Variants in CCDC102B observed in about 807,000 individuals in gnomAD.
The protein encoded by CCDC102B is coiled-coil domain containing 102B, also known as coiled-coil domain-containing protein 102B.
Under a neutral mutation model 57.4 loss-of-function variants are expected in CCDC102B, and 75 were observed. The ratio of observed to expected loss-of-function variants is 1.31; its 90% confidence interval spans 1.08 to 1.58. The LOEUF (loss-of-function observed/expected upper bound fraction) is 1.58, where lower values mean the gene tolerates loss of function less well. Ranked by LOEUF, CCDC102B falls within the 40% of genes most tolerant of loss-of-function variation. CCDC102B has a pLI of 0.00. For synonymous variants in CCDC102B, 206 were observed against 201.9 expected (o/e 1.02, Z -0.17); for missense variants, 636 against 582.6 (o/e 1.09, Z -0.94).
At chr18:68,999,769 C>T (rs896724707) in intron 6 of CCDC102B, among the ~76,000 whole-genome samples, 1 of 152,160 alleles carries the variant, frequency 6.6e-6, no homozygotes, top group Non-Finnish European at 1.5e-5. Context: ...TCTCCTAACT[C>T]TGTTTCTCTT....
intron 2 of CCDC102B, among the ~76,000 whole-genome samples, chr18:68,780,828 A>G (rs1043124489): frequency 1.3e-5 from 2 of 152,086 alleles, no homozygotes; most frequent in Non-Finnish European, 2.9e-5. Context: ...CAACTTTCCT[A>G]TCCTTCTGTC....
rs116874913 is a variant in CCDC102B, at chr18:68,958,389, T to C, written c.1264-52545T>C. 1.5e-3 allele frequency among the ~76,000 whole-genome samples: 227 copies of C among 152,334 alleles called. No individual in the cohort carries two copies. The Middle Eastern group carries it at 0.017, about 11-fold the overall frequency. The stretch of plus-strand genomic sequence containing the variant: ...CATAGCACCTTGATTTATTTGCATA[T>C]GTTGCACCTTGATTGATTTGCATAT... On this transcript the variant is annotated intron_variant, in intron 6 of 7. Transcript: ENST00000360242.
intron 6 of CCDC102B, among the ~76,000 whole-genome samples, chr18:68,975,923 T>C (rs1299836916): frequency 6.6e-6 from 1 of 151,724 alleles, no homozygotes; most frequent in Non-Finnish European, 1.5e-5. Context: ...TTTTTCTTAC[T>C]CCTGGGGATA....
intron 4 of CCDC102B, among the ~76,000 whole-genome samples, chr18:68,854,918 G>T (rs1280286498): frequency 2.6e-5 from 4 of 151,974 alleles, no homozygotes; most frequent in Admixed American, 2.0e-4. Context: ...TGTTTGCATT[G>T]TTCACACGAA....
At chr18:69,043,373 T>C (rs528328565) in intron 7 of CCDC102B, among the ~76,000 whole-genome samples, 6 of 152,082 alleles carry the variant, frequency 3.9e-5, no homozygotes, top group Non-Finnish European at 5.9e-5. Flanking sequence ...CTTCCTCTTA[T>C]ACTAATCCTC....
intron 2 of CCDC102B, among the ~76,000 whole-genome samples, chr18:68,746,056 CACAG>C (rs964789207): frequency 1.3e-5 from 2 of 152,138 alleles, no homozygotes; most frequent in African/African-American, 4.8e-5. Flanking sequence ...TTCATCCAAC[CACAG>C]ACAGAGTAGA....
chr18:68,917,761 A>G (rs2041127180), intron 6 of CCDC102B, among the ~76,000 whole-genome samples: 1 of 152,148 alleles, frequency 6.6e-6, no homozygotes, highest in Non-Finnish European at 1.5e-5. Context: ...CTTGTTTATT[A>G]TTTATTTACC....
chr18:68,827,909 G>A (rs530079750), intron 1 of CCDC102B, among the ~76,000 whole-genome samples: 2 of 151,984 alleles, frequency 1.3e-5, no homozygotes, highest in African/African-American at 2.4e-5. Flanking sequence ...GAGTAGCTAT[G>A]TTAATATCAG....
In CCDC102B at chr18:68,735,171, C is replaced by T. The variant is rs181940317; in HGVS notation, c.-67+18577C>T. Among the ~76,000 whole-genome samples, 204 of 152,240 alleles carry T rather than the reference C, an allele frequency of 1.3e-3. 1 individual carries two copies. Among genetic ancestry groups the T allele is most frequent in the Non-Finnish European group, 1.8e-3 (120 of 68,004 alleles). On this transcript the variant is annotated intron_variant, in intron 2 of 3. Transcript: ENST00000578970. ...GGTTCAAGTGATTCTCCTGCCTCAGCCTCCTGAGTAACTGAGACTACAGGC... is the reference window on the plus strand; with the variant it reads ...GGTTCAAGTGATTCTCCTGCCTCAGTCTCCTGAGTAACTGAGACTACAGGC...
At chr18:68,987,065 G>T (rs146416485) in intron 6 of CCDC102B, among the ~76,000 whole-genome samples, 1 of 152,020 alleles carries the variant, frequency 6.6e-6, no homozygotes, top group Non-Finnish European at 1.5e-5. Flanking sequence ...AATTGGAAAC[G>T]TCTATTCTTA....
rs189831905 is a variant in CCDC102B, at chr18:68,911,059, G to A, written c.1263+13631G>A. Reference sequence around the variant, plus strand: ...TCAAAGGCTGAAAAACAGAACCGCCGTTCAACCAGGCAGTCCCATTACCAG... The same window carrying A: ...TCAAAGGCTGAAAAACAGAACCGCCATTCAACCAGGCAGTCCCATTACCAG... On this transcript the variant is annotated intron_variant, in intron 6 of 7. Transcript: ENST00000360242. Among the ~76,000 whole-genome samples, 121 of 152,230 alleles carry A rather than the reference G, an allele frequency of 7.9e-4. 1 individual carries two copies. The highest frequency in any genetic ancestry group is 2.1e-4 in the South Asian group (1 of 4,824).
chr18:68,810,180 C>T (rs2036189784), intron 1 of CCDC102B, among the ~76,000 whole-genome samples: 1 of 152,050 alleles, frequency 6.6e-6, no homozygotes, highest in South Asian at 2.1e-4. Flanking sequence ...CTACAGCAAA[C>T]AAAATCTAAT....
chr18:68,760,790 G>T (rs953880511), intron 2 of CCDC102B, among the ~76,000 whole-genome samples: 1 of 152,008 alleles, frequency 6.6e-6, no homozygotes, highest in African/African-American at 2.4e-5. Flanking sequence ...GAAGAAAGAG[G>T]CAGAAAACCA....
At chr18:68,829,377 T>G (rs376372108) in intron 1 of CCDC102B, among the ~76,000 whole-genome samples, 25 of 152,132 alleles carry the variant, frequency 1.6e-4, no homozygotes, top group African/African-American at 5.8e-4. Context: ...CTGAATCCAG[T>G]TTTTTCTCTT....
intron 2 of CCDC102B, 62 bp downstream of exon 2, chr18:68,837,431 AGAAG>A: frequency 1.3e-6 from 2 of 1,485,098 alleles, no homozygotes; most frequent in Non-Finnish European, 1.8e-6. Flanking sequence ...ATGGGGAGGA[AGAAG>A]GAAGTGACAA....
rs184114017 is a variant in CCDC102B, at chr18:68,849,320, G to A, written c.936+2899G>A. On this transcript the variant is annotated intron_variant, in intron 4 of 7. Coordinates refer to ENST00000360242, the MANE Select transcript of CCDC102B (RefSeq NM_024781.3). ...AATAGGTGTATGGTGGAATATTAGC[G>A]CAGTTCTGAGCTTACTGCTAATTTT... Among the ~76,000 whole-genome samples the A allele has an allele frequency of 2.8e-3, 420 of 152,140 alleles. 1 individual carries two copies. Among genetic ancestry groups the A allele is most frequent in the Non-Finnish European group, 4.5e-3 (308 of 67,988 alleles).
chr18:68,728,707 A>G (rs1197829828), intron 2 of CCDC102B, among the ~76,000 whole-genome samples: 1 of 152,222 alleles, frequency 6.6e-6, no homozygotes, highest in African/African-American at 2.4e-5. Context: ...CAGGATACAC[A>G]ATAAGGATCA....
chr18:68,828,561 A>G (rs1337648073), intron 1 of CCDC102B, among the ~76,000 whole-genome samples: 3 of 151,714 alleles, frequency 2.0e-5, no homozygotes, highest in Non-Finnish European at 4.4e-5. Flanking sequence ...GCTAATGTCA[A>G]ATATTTGAAA....
At chr18:68,732,373 T>C (rs563700813) in intron 2 of CCDC102B, among the ~76,000 whole-genome samples, 2 of 150,924 alleles carry the variant, frequency 1.3e-5, no homozygotes, top group Admixed American at 1.3e-4. Flanking sequence ...TGGGATGGAG[T>C]GTTGCTCTGT....
Sources: allele counts gnomAD v4.1 joint callset (sites outside exome capture counted in the v4.1 genomes callset), GRCh38; gene constraint gnomAD v4.1.1; transcripts MANE v1.5; gene names NCBI Gene and HGNC (gene_info 2026-07-23, HGNC 2026-07-21).